Variants in EPS8L3 observed in about 807,000 individuals in gnomAD.
EPS8L3 encodes the protein epidermal growth factor receptor kinase substrate 8-like protein 3.
EPS8L3 carries 80 observed loss-of-function variants against 88.5 expected under a neutral mutation model. The ratio of observed to expected loss-of-function variants is 0.90; its 90% CI spans 0.75 to 1.09. The LOEUF is 1.09. Among genes scored for constraint, EPS8L3 ranks in the 50% least tolerant of loss-of-function variants. The pLI, the probability that EPS8L3 is intolerant of heterozygous loss-of-function variation, is 0.00. For synonymous variants in EPS8L3, 286 were observed against 291.0 expected, an observed-to-expected ratio of 0.98 and a Z score of 0.18; for missense variants, 721 against 735.2, an observed-to-expected ratio of 0.98 and a Z score of 0.22.
chr1:109,760,871 G>T (rs1650848941), intron 3 of EPS8L3, among the ~76,000 whole-genome samples: 1 of 152,098 alleles, frequency 6.6e-6, no homozygotes, highest in African/African-American at 2.4e-5. Context: ...CGCCCTTGTA[G>T]CCTGTGCTTC....
chr1:109,762,111 G>A (rs540188605), intron 1 of EPS8L3, among the ~76,000 whole-genome samples: 93 of 152,276 alleles, frequency 6.1e-4, no homozygotes, highest in South Asian at 1.0e-3. Context: ...AGGGACCTGC[G>A]TTCAGATCCT....
chr1:109,761,243 G>A, intron 3 of EPS8L3: 1 of 473,066 alleles, frequency 2.1e-6, no homozygotes, highest in Admixed American at 3.3e-5. Context: ...TCCTGTCTGG[G>A]GACAGGACAC....
chr1:109,752,010 C>T lies in EPS8L3; in HGVS notation c.1419G>A (p.Gln473=), dbSNP rs773021128. The T allele has an allele frequency of 1.4e-5, 22 of 1,609,666 alleles. No homozygotes were observed. Among genetic ancestry groups the T allele is most frequent in the African/African-American group, 4.0e-5 (3 of 74,958 alleles). Residue 473 remains glutamine (Q), a synonymous_variant, in exon 15 of 19, where the codon CAG becomes CAA. Transcript: ENST00000361965. ...ARNPRELTVV[Q]GEKLEVLDHS... is the part of the protein sequence containing the mutation. ...CAAGCCTCACCTCCAGCTTCTCTCC[C>T]TGGACCACAGTCAGTTCCCGTGGGT...
chr1:109,751,477 T>C, intron 16 of EPS8L3, 126 bp from the exon 17 acceptor site: 1 of 1,356,664 alleles, frequency 7.4e-7, no homozygotes, highest in Non-Finnish European at 1.0e-6. Context: ...CTTTCTGGTC[T>C]GGCAGGGAGC....
chr1:109,751,224 G>A, intron 17 of EPS8L3, 54 bp downstream of exon 17: 1 of 1,521,630 alleles, frequency 6.6e-7, no homozygotes, highest in Non-Finnish European at 9.1e-7. Flanking sequence ...GGGTTTCCTT[G>A]GTTAGCCCTT....
chr1:109,751,650 G>C lies in EPS8L3; in HGVS notation c.1563+4C>G, dbSNP rs758631463. 4 of 1,613,934 alleles carry C rather than the reference G, an allele frequency of 2.5e-6. No homozygotes were observed. The highest frequency in any genetic ancestry group is 3.4e-6 in the Non-Finnish European group (4 of 1,180,024). ...GGCTCTGGATAGTCCAGGCTGGGTA[G>C]TACCCGAGAGGGTGACTGGCCCTGG... On this transcript the variant is annotated splice_donor_region_variant and intron_variant, in intron 16 of 18. Coordinates refer to ENST00000361965, the MANE Select transcript of EPS8L3 (RefSeq NM_133181.4).
At position 109,757,875 on chromosome 1, in the gene EPS8L3, G is replaced by A; in HGVS notation, c.833-12C>T. 4 of 1,614,038 alleles carry A rather than the reference G, an allele frequency of 2.5e-6. No individual in the cohort carries two copies. Among genetic ancestry groups the A allele is most frequent in the Non-Finnish European group, 3.4e-6 (4 of 1,179,930 alleles). On this transcript the variant is annotated splice_polypyrimidine_tract_variant and intron_variant, in intron 9 of 18. Coordinates refer to ENST00000361965, the MANE Select transcript of EPS8L3 (RefSeq NM_133181.4). ...TGCCTGGGTGAGACCTGGGAGAAGG[G>A]GCCAAGACGGTGGGCCAGAGATCAC...
At chr1:109,751,229 G>C in intron 17 of EPS8L3, 49 bp downstream of exon 17, 1 of 1,545,954 alleles carries the variant, frequency 6.5e-7, no homozygotes, top group Non-Finnish European at 8.9e-7. Flanking sequence ...TCCTTGGTTA[G>C]CCCTTTACAA....
chr1:109,750,870 T>C, intron 17 of EPS8L3, 78 bp from the exon 18 acceptor site: 3 of 1,558,410 alleles, frequency 1.9e-6, no homozygotes, highest in Non-Finnish European at 2.6e-6. Context: ...GAGACAGGGC[T>C]CTTTGGGCTC....
intron 3 of EPS8L3, among the ~76,000 whole-genome samples, chr1:109,760,707 C>T (rs115330867): frequency 0.012 from 1,865 of 150,646 alleles, 34 homozygotes; most frequent in African/African-American, 0.043. Context: ...GCCTCTGCTG[C>T]CCTGTGGGAC....
intron 3 of EPS8L3, among the ~76,000 whole-genome samples, chr1:109,760,095 G>C (rs2101516790): frequency 6.6e-6 from 1 of 152,250 alleles, no homozygotes; most frequent in Non-Finnish European, 1.5e-5. Flanking sequence ...GGAAGGACAG[G>C]CATGGCCTTT....
In EPS8L3 at chr1:109,759,579, G is replaced by A. The variant is rs914276506; in HGVS notation, c.255+99C>T. On this transcript the variant is annotated intron_variant, in intron 4 of 18. Coordinates refer to ENST00000361965, the MANE Select transcript of EPS8L3 (RefSeq NM_133181.4). The surrounding 1 kb of genome is among the most constrained non-coding windows in gnomAD (Gnocchi z 4.2). ...TGGGTGTGTGTTGTATGTGGGGAGA[G>A]TGGCTGCCCTTTGGGGCATGGAGGG... The A allele has an allele frequency of 8.7e-6, 13 of 1,499,354 alleles. No individual in the cohort carries two copies. The highest frequency in any genetic ancestry group is 1.1e-5 in the Non-Finnish European group (12 of 1,112,976). The allele number at this position is 1,499,354 out of a possible 1,614,324, so 92.9% of individuals were successfully genotyped here.
In EPS8L3 at chr1:109,751,734, G is replaced by T; in HGVS notation, c.1483C>A (p.Arg495=). The T allele has an allele frequency of 6.2e-7, 1 of 1,613,710 alleles. No homozygotes were observed. Among genetic ancestry groups the T allele is most frequent in the Non-Finnish European group, 8.5e-7 (1 of 1,179,978 alleles). The part of the protein sequence containing the change: ...RWWLVKNEAG[R]SGYIPSNILE... ...ATGTTGCTTGGAATGTAGCCGCTCCGTCCCGCCTCATTCTTCACCAGCCAC... is the reference window on the plus strand; with the variant it reads ...ATGTTGCTTGGAATGTAGCCGCTCCTTCCCGCCTCATTCTTCACCAGCCAC... The change falls in exon 16 of 19, where the codon CGG becomes AGG. Residue 495 remains arginine, a synonymous_variant. Coordinates refer to ENST00000361965, the MANE Select transcript of EPS8L3 (RefSeq NM_133181.4).
intron 8 of EPS8L3, 112 bp from the exon 9 acceptor site, chr1:109,758,170 T>C: frequency 7.8e-7 from 1 of 1,287,700 alleles, no homozygotes; most frequent in South Asian, 1.3e-5. Flanking sequence ...AGGCCCAGCC[T>C]GGAGTATAAA....
chr1:109,759,933 G>A lies in EPS8L3; in HGVS notation c.97-97C>T. On this transcript the variant is annotated intron_variant, in intron 3 of 18. Coordinates refer to ENST00000361965, the MANE Select transcript of EPS8L3 (RefSeq NM_133181.4). The surrounding 1 kb of genome is among the most constrained non-coding windows in gnomAD (Gnocchi z 4.2). ...GAAAAGCAGAAGAGGAAGAAGACGT[G>A]TCCTCGGCCCCCTTGAGGTAGGAGG... 7.5e-7 allele frequency: 1 copy of A among 1,333,786 alleles called. No homozygotes were observed. The highest frequency in any genetic ancestry group is 1.0e-6 in the Non-Finnish European group (1 of 970,956). 82.6% of individuals were successfully genotyped at this position (1,333,786 alleles called of 1,614,324 possible).
chr1:109,761,776 A>G lies in EPS8L3; in HGVS notation c.-24-3T>C. 6.2e-7 allele frequency: 1 copy of G among 1,613,932 alleles called. No homozygotes were observed. The highest frequency in any genetic ancestry group is 1.1e-5 in the South Asian group (1 of 91,074). On this transcript the variant is annotated splice_region_variant and splice_polypyrimidine_tract_variant and intron_variant, in intron 1 of 18. Transcript: ENST00000361965. ...TTGACGCTGCTGAGGACGGCTCCCT[A>G]GAACCCAAAGTGAACCAGAGGCAGC...
Position 109,758,050 on chromosome 1 carries a change from C to T in EPS8L3, c.726G>A (p.Leu242=). The part of the protein sequence containing the change: ...PEDPERDEEV[L]NHVLRDIELF... ...GCTCAATGTCCCTTAGGACATGGTT[C>T]AGCACTTCCTGGGCCCCAAACAACC... The change falls in exon 9 of 19, where the codon CTG becomes CTA. Residue 242 remains leucine (L), a synonymous_variant. Coordinates refer to ENST00000361965, the MANE Select transcript of EPS8L3 (RefSeq NM_133181.4). 1 of 1,613,936 alleles carries T rather than the reference C, an allele frequency of 6.2e-7. No individual in the cohort carries two copies. The highest frequency in any genetic ancestry group is 8.5e-7 in the Non-Finnish European group (1 of 1,179,972).
At chr1:109,750,890 G>C in intron 17 of EPS8L3, 98 bp from the exon 18 acceptor site, 1 of 1,464,790 alleles carries the variant, frequency 6.8e-7, no homozygotes, top group Non-Finnish European at 9.3e-7. Flanking sequence ...CGGAGGTTGG[G>C]GTTACAGAAA....
intron 16 of EPS8L3, 56 bp from the exon 17 acceptor site, chr1:109,751,407 G>T (rs373017656): frequency 5.0e-5 from 78 of 1,548,632 alleles, no homozygotes; most frequent in Non-Finnish European, 6.3e-5. Context: ...GCCAACCACA[G>T]CCCCTAACAT....
Sources: gnomAD v4.1 joint callset for allele counts (sites outside exome capture counted in the v4.1 genomes callset) on GRCh38, gnomAD v4.1.1 for gene constraint, Gnocchi (gnomAD v3.1) non-coding constraint, MANE v1.5 for transcripts, NCBI Gene and HGNC (gene_info 2026-07-23, HGNC 2026-07-21) for gene names.